Variants in FAM13A observed in about 807,000 individuals in gnomAD.
The protein encoded by FAM13A is protein FAM13A.
FAM13A carries 76 observed loss-of-function variants against 129.6 expected under a neutral mutation model. The ratio of observed to expected loss-of-function variants is 0.59; its 90% confidence interval spans 0.49 to 0.71. FAM13A has a LOEUF of 0.71. FAM13A is among the 30% of genes least tolerant of loss of function. The pLI is 0.00. For synonymous variants in FAM13A, 443 were observed against 449.9 expected (o/e 0.98, Z 0.20); for missense variants, 1,108 against 1,249.3 (o/e 0.89, Z 1.70).
chr4:88,854,007 G>T (rs1469895426), intron 6 of FAM13A, among the ~76,000 whole-genome samples: 2 of 152,172 alleles, frequency 1.3e-5, no homozygotes, highest in Admixed American at 1.3e-4. Flanking sequence ...TCCACTATCG[G>T]CTTCCCTACT....
At chr4:88,810,773 A>G (rs1316280261) in intron 7 of FAM13A, among the ~76,000 whole-genome samples, 1 of 152,182 alleles carries the variant, frequency 6.6e-6, no homozygotes, top group African/African-American at 2.4e-5. Context: ...TCGAGATACA[A>G]TATTTTTTTA....
chr4:88,778,929 T>G (rs376993686), intron 11 of FAM13A, among the ~76,000 whole-genome samples: 15 of 152,320 alleles, frequency 9.8e-5, no homozygotes, highest in African/African-American at 3.6e-4. Context: ...CTTGCTTCCT[T>G]ACTTCCTCTA....
chr4:88,925,589 T>C (rs1313318245), intron 5 of FAM13A, among the ~76,000 whole-genome samples: 1 of 150,322 alleles, frequency 6.7e-6, no homozygotes, highest in Non-Finnish European at 1.5e-5. Flanking sequence ...TATCTCCTAA[T>C]GCTAAATGTC....
chr4:89,055,611 T>C (rs1206520451), intron 1 of FAM13A, among the ~76,000 whole-genome samples: 1 of 152,224 alleles, frequency 6.6e-6, no homozygotes, highest in Non-Finnish European at 1.5e-5. Flanking sequence ...TGCCTCATTC[T>C]ACACATTTTC....
intron 11 of FAM13A, among the ~76,000 whole-genome samples, chr4:88,769,796 A>G (rs1221678576): frequency 6.6e-6 from 1 of 151,824 alleles, no homozygotes; most frequent in Non-Finnish European, 1.5e-5. Flanking sequence ...GCACCACTGC[A>G]CTCCAGCCTG....
intron 7 of FAM13A, among the ~76,000 whole-genome samples, chr4:88,818,640 T>C (rs1460728784): frequency 6.6e-6 from 1 of 152,166 alleles, no homozygotes; most frequent in Non-Finnish European, 1.5e-5. Flanking sequence ...ATCTTATTTG[T>C]TCTCACTGAC....
chr4:88,842,070 C>T (rs1034231996), intron 7 of FAM13A, among the ~76,000 whole-genome samples: 3 of 152,130 alleles, frequency 2.0e-5, no homozygotes, highest in African/African-American at 7.2e-5. Flanking sequence ...TTTATTTATT[C>T]AGACATAAAA....
chr4:88,847,627 G>T (rs1220182895), intron 7 of FAM13A, among the ~76,000 whole-genome samples: 1 of 151,950 alleles, frequency 6.6e-6, no homozygotes, highest in Non-Finnish European at 1.5e-5. Context: ...TTTCTGATTG[G>T]ATGAATAAAA....
intron 19 of FAM13A, among the ~76,000 whole-genome samples, chr4:88,742,247 C>G (rs1740424469): frequency 6.6e-6 from 1 of 152,212 alleles, no homozygotes; most frequent in South Asian, 2.1e-4. Flanking sequence ...AATCTCCTTC[C>G]TTACTCTTTG....
chr4:88,795,349 A>G (rs1030267967), intron 8 of FAM13A, among the ~76,000 whole-genome samples: 1 of 151,950 alleles, frequency 6.6e-6, no homozygotes, highest in South Asian at 2.1e-4. Context: ...TCTTAATGCT[A>G]TATTAAATTT....
intron 1 of FAM13A, among the ~76,000 whole-genome samples, chr4:89,037,667 G>C (rs908902581): frequency 6.6e-6 from 1 of 152,198 alleles, no homozygotes; most frequent in Non-Finnish European, 1.5e-5. Context: ...ATTTGGATTT[G>C]AGTCACCACC....
chr4:88,738,189 C>T (rs973227640), intron 20 of FAM13A, among the ~76,000 whole-genome samples: 2 of 152,074 alleles, frequency 1.3e-5, no homozygotes, highest in East Asian at 1.9e-4. Context: ...CATTTAAGGC[C>T]GGGCCAGACA....
chr4:89,028,500 T>C (rs1768275912), intron 2 of FAM13A, among the ~76,000 whole-genome samples: 1 of 151,904 alleles, frequency 6.6e-6, no homozygotes, highest in Admixed American at 6.6e-5. Context: ...TGGGGCAACA[T>C]TGGGAGAACC....
rs114892957 is a variant in FAM13A at position 88,928,106 on chromosome 4, A to G, written c.759+9982T>C. Reference sequence around the variant, plus strand: ...TTCATTGACCCAGTGATCATTCAGGAGCATGTTGTTTAATTTCCATGTGTC... The same window carrying G: ...TTCATTGACCCAGTGATCATTCAGGGGCATGTTGTTTAATTTCCATGTGTC... On this transcript the variant is annotated intron_variant, in intron 5 of 23. Transcript: ENST00000264344. Among the ~76,000 whole-genome samples, 1,132 of 152,178 alleles carry G rather than the reference A, an allele frequency of 7.4e-3. 19 individuals carry two copies. The highest frequency in any genetic ancestry group is 0.026 in the African/African-American group (1,060 of 41,532).
chr4:88,770,111 A>C (rs1004157308), intron 11 of FAM13A, among the ~76,000 whole-genome samples: 1 of 152,228 alleles, frequency 6.6e-6, no homozygotes, highest in Non-Finnish European at 1.5e-5. Flanking sequence ...ACTAAGCATT[A>C]ATTTACACAC....
intron 1 of FAM13A, among the ~76,000 whole-genome samples, chr4:89,031,844 T>C (rs1365710133): frequency 1.3e-5 from 2 of 152,206 alleles, no homozygotes; most frequent in African/African-American, 2.4e-5. Context: ...AATAACTTTA[T>C]ATGTACTTAT....
chr4:88,995,984 A>G (rs10007590), intron 3 of FAM13A, among the ~76,000 whole-genome samples: 26,151 of 152,212 alleles, frequency 0.17, 2,321 homozygotes, highest in South Asian at 0.27. Flanking sequence ...ATTTCACTCA[A>G]TATGGTCAGG....
chr4:88,845,007 T>C (rs1736407812), intron 7 of FAM13A, among the ~76,000 whole-genome samples: 1 of 152,056 alleles, frequency 6.6e-6, no homozygotes, highest in South Asian at 2.1e-4. Flanking sequence ...AGCCATCACA[T>C]ATAGAGTTAA....
intron 5 of FAM13A, among the ~76,000 whole-genome samples, chr4:88,922,712 T>G (rs1003195024): frequency 4.6e-5 from 7 of 151,774 alleles, no homozygotes; most frequent in Non-Finnish European, 1.0e-4. Flanking sequence ...AGAGTAGAAC[T>G]GAAGGAAATA....
Sources: gnomAD v4.1 joint callset for allele counts (sites outside exome capture counted in the v4.1 genomes callset) on GRCh38, gnomAD v4.1.1 for gene constraint, MANE v1.5 for transcripts, NCBI Gene and HGNC (gene_info 2026-07-23, HGNC 2026-07-21) for gene names.